The following RASGRF2 variants were observed in gnomAD, a reference collection of about 807,000 sequenced individuals.
RASGRF2 encodes ras-specific guanine nucleotide-releasing factor 2.
Under a neutral mutation model 151.0 loss-of-function variants are expected in RASGRF2, and 76 were observed. The observed-to-expected ratio is 0.50, with a 90% CI of 0.42 to 0.61. The LOEUF is 0.61. RASGRF2 is among the 20% of genes least tolerant of loss of function. The pLI is 0.00. For missense variants in RASGRF2, 1,148 were observed against 1,564.6 expected (o/e 0.73, Z 4.49); for synonymous variants, 504 against 566.5 (o/e 0.89, Z 1.57).
intron 15 of RASGRF2, among the ~76,000 whole-genome samples, chr5:81,117,177 T>C (rs1375719902): frequency 6.6e-6 from 1 of 152,202 alleles, no homozygotes; most frequent in Non-Finnish European, 1.5e-5. Flanking sequence ...AAATCAATAG[T>C]TTTTTTCCCT....
intron 1 of RASGRF2, among the ~76,000 whole-genome samples, chr5:81,035,789 T>C (rs1750468967): frequency 1.3e-5 from 2 of 152,140 alleles, no homozygotes; most frequent in Admixed American, 1.3e-4. Flanking sequence ...AGACAGTGGA[T>C]TGAAAGATTC....
chr5:81,101,749 T>C (rs958548255), intron 12 of RASGRF2, among the ~76,000 whole-genome samples: 1 of 152,184 alleles, frequency 6.6e-6, no homozygotes. Context: ...ATGACTTCAT[T>C]ATATGGCCTT....
intron 17 of RASGRF2, among the ~76,000 whole-genome samples, chr5:81,138,733 G>C (rs1319942612): frequency 2.0e-5 from 3 of 151,658 alleles, no homozygotes; most frequent in African/African-American, 7.3e-5. Context: ...TTCAGCTCCA[G>C]GTAGGCAGAT....
At chr5:81,177,405 T>G (rs929192407) in intron 17 of RASGRF2, among the ~76,000 whole-genome samples, 2 of 151,934 alleles carry the variant, frequency 1.3e-5, no homozygotes, top group Non-Finnish European at 2.9e-5. Flanking sequence ...CTTTAGAAAC[T>G]TAGAGATTTT....
rs202080629 is a variant in RASGRF2 at position 81,080,219 on chromosome 5, G to A, written c.967+19G>A. The stretch of plus-strand genomic sequence containing the variant: ...ATTTTAGGTAAGTGCATTCTTTAAA[G>A]GTGTAAGATTTTCTTTTAGAGTGGC... On this transcript the variant is annotated intron_variant, in intron 6 of 26. Coordinates refer to ENST00000265080, the MANE Select transcript of RASGRF2 (RefSeq NM_006909.3). The A allele has an allele frequency of 1.3e-6, 2 of 1,585,792 alleles. No individual in the cohort carries two copies. The highest frequency in any genetic ancestry group is 2.0e-5 in the Admixed American group (1 of 49,854).
chr5:81,058,496 C>T (rs1019627198), intron 2 of RASGRF2, among the ~76,000 whole-genome samples: 3 of 152,100 alleles, frequency 2.0e-5, no homozygotes, highest in African/African-American at 7.2e-5. Flanking sequence ...TTTTGTGATG[C>T]AGAGTTGGGG....
chr5:81,215,845 C>T, intron 23 of RASGRF2, 31 bp from the exon 24 acceptor site: 1 of 1,494,306 alleles, frequency 6.7e-7, no homozygotes, highest in Non-Finnish European at 8.8e-7. Flanking sequence ...ATAGTATTTT[C>T]ATCACACTAA....
chr5:80,991,296 A>C (rs1363269255), intron 1 of RASGRF2, among the ~76,000 whole-genome samples: 3 of 152,172 alleles, frequency 2.0e-5, no homozygotes, highest in Admixed American at 2.0e-4. Flanking sequence ...GCATCTCTAC[A>C]GAAAAGTGTG....
At chr5:81,029,201 C>T (rs1308437033) in intron 1 of RASGRF2, among the ~76,000 whole-genome samples, 1 of 152,202 alleles carries the variant, frequency 6.6e-6, no homozygotes, top group Non-Finnish European at 1.5e-5. Context: ...CTGTCTGCCT[C>T]TGTAGACTCC....
chr5:81,146,386 C>T (rs1754006120), intron 17 of RASGRF2, among the ~76,000 whole-genome samples: 1 of 149,956 alleles, frequency 6.7e-6, no homozygotes, highest in Admixed American at 6.6e-5. Flanking sequence ...TTCTATGTAC[C>T]CTAGCAGCTC....
At position 81,073,249 on chromosome 5, in the gene RASGRF2, C is replaced by A. The variant is rs148468332; in HGVS notation, c.684C>A (p.Ile228=). ...GWLCRRKWKT[I]VQDYICSPHA... ...TGTGCAGAAGGAAATGGAAGACCAT[C>A]GTGCAGGATTACATTTGTTCTCCTC... Residue 228 remains isoleucine, a synonymous_variant, in exon 5 of 27, where the codon ATC becomes ATA. Transcript: ENST00000265080. The A allele has an allele frequency of 9.3e-6, 15 of 1,613,956 alleles. No individual in the cohort carries two copies. The highest frequency in any genetic ancestry group is 1.2e-5 in the Non-Finnish European group (14 of 1,179,836).
intron 12 of RASGRF2, among the ~76,000 whole-genome samples, chr5:81,103,768 T>A (rs1281430921): frequency 2.6e-5 from 4 of 152,112 alleles, no homozygotes; most frequent in Non-Finnish European, 1.5e-5. Flanking sequence ...CAAGGAGAAA[T>A]TTGTAATGGT....
chr5:80,971,451 G>A (rs532400278), intron 1 of RASGRF2, among the ~76,000 whole-genome samples: 1 of 152,196 alleles, frequency 6.6e-6, no homozygotes, highest in Admixed American at 6.5e-5. Context: ...TCTTGCTGGA[G>A]TGCAATAATG....
chr5:81,184,957 A>G (rs898799286), intron 18 of RASGRF2, among the ~76,000 whole-genome samples: 6 of 152,220 alleles, frequency 3.9e-5, no homozygotes, highest in African/African-American at 1.4e-4. Context: ...GTTAAATCGA[A>G]TTCTTCAGAT....
At chr5:80,968,140 A>C (rs536149991) in intron 1 of RASGRF2, among the ~76,000 whole-genome samples, 1 of 152,394 alleles carries the variant, frequency 6.6e-6, no homozygotes, top group South Asian at 2.1e-4. Flanking sequence ...AATGGTCAGC[A>C]CATTTGCCAG....
intron 12 of RASGRF2, among the ~76,000 whole-genome samples, chr5:81,097,394 T>C (rs768133356): frequency 1.3e-5 from 2 of 152,188 alleles, no homozygotes; most frequent in Non-Finnish European, 2.9e-5. Flanking sequence ...GTTCTAGAGA[T>C]TTGTGACATA....
At chr5:81,214,147 G>A (rs1227958826) in intron 23 of RASGRF2, among the ~76,000 whole-genome samples, 1 of 152,214 alleles carries the variant, frequency 6.6e-6, no homozygotes, top group Non-Finnish European at 1.5e-5. Flanking sequence ...GTCTTTGATA[G>A]GATGCTGGTT....
At chr5:80,975,133 T>G (rs1024954367) in intron 1 of RASGRF2, among the ~76,000 whole-genome samples, 1 of 151,974 alleles carries the variant, frequency 6.6e-6, no homozygotes, top group Non-Finnish European at 1.5e-5. Context: ...GCCTTTTAGC[T>G]GCTGCTTTCT....
intron 17 of RASGRF2, among the ~76,000 whole-genome samples, chr5:81,157,290 A>G (rs1362586914): frequency 6.8e-6 from 1 of 146,690 alleles, no homozygotes; most frequent in Non-Finnish European, 1.5e-5. Flanking sequence ...AGGAGGCGGG[A>G]GGTTGCAGTG....
Sources: gnomAD v4.1 joint callset for allele counts (sites outside exome capture counted in the v4.1 genomes callset) on GRCh38, gnomAD v4.1.1 for gene constraint, MANE v1.5 for transcripts, NCBI Gene and HGNC (gene_info 2026-07-23, HGNC 2026-07-21) for gene names.